Variants in RGS7 observed in about 807,000 individuals in gnomAD.
RGS7 encodes the protein regulator of G-protein signaling 7.
In RGS7, 27 loss-of-function variants were observed where a neutral mutation model predicts 81.1. The observed-to-expected ratio is 0.33, with a 90% confidence interval of 0.25 to 0.46. The LOEUF is 0.46. Ranked by LOEUF, RGS7 falls within the 20% of genes least tolerant of loss-of-function variation. The pLI is 1.00. For synonymous variants in RGS7, 208 were observed against 207.7 expected, an observed-to-expected ratio of 1.00 and a Z score of -0.01; for missense variants, 396 against 607.4, an observed-to-expected ratio of 0.65 and a Z score of 3.66.
At chr1:240,811,168 G>A (rs1689785437) in intron 14 of RGS7, among the ~76,000 whole-genome samples, 3 of 152,128 alleles carry the variant, frequency 2.0e-5, no homozygotes. Context: ...TAAAAATTGG[G>A]CATCAGCTTT....
At chr1:240,837,224 C>T (rs1294873174) in intron 9 of RGS7, among the ~76,000 whole-genome samples, 1 of 152,202 alleles carries the variant, frequency 6.6e-6, no homozygotes, top group Non-Finnish European at 1.5e-5. Context: ...CAGGAAGAAA[C>T]AAAAGGCCTG....
At chr1:241,108,804 G>GT (rs1369439366) in intron 2 of RGS7, among the ~76,000 whole-genome samples, 2 of 152,126 alleles carry the variant, frequency 1.3e-5, no homozygotes, top group African/African-American at 4.8e-5. Flanking sequence ...ATGGGAATGA[G>GT]TAAGACTCCT....
intron 2 of RGS7, among the ~76,000 whole-genome samples, chr1:241,319,064 C>A (rs192742865): frequency 2.3e-3 from 343 of 152,284 alleles, no homozygotes; most frequent in African/African-American, 8.1e-3. Flanking sequence ...AAATGAACAA[C>A]CTAAGCTCAA....
chr1:240,835,412 T>C (rs1291352306), intron 9 of RGS7, among the ~76,000 whole-genome samples: 4 of 152,188 alleles, frequency 2.6e-5, no homozygotes, highest in Non-Finnish European at 5.9e-5. Flanking sequence ...CCTATTAGAA[T>C]TGCCAAAATC....
At position 241,188,983 on chromosome 1, in the gene RGS7, A is replaced by AT. The variant is rs1265430183; in HGVS notation, c.79-90222dup. ...CAACATTTGGTGTTGTCACTTTTGA[A>AT]TTTTTTTTTGAGACAGGGTCTCACT... On this transcript the variant is annotated intron_variant, in intron 2 of 18. Transcript: ENST00000440928. Among the ~76,000 whole-genome samples, 11 of 151,286 alleles carry AT rather than the reference A, an allele frequency of 7.3e-5. No individual in the cohort carries two copies. The East Asian group carries it at 1.7e-3, about 24-fold the overall frequency.
chr1:240,848,756 A>G (rs1011558305), intron 9 of RGS7, among the ~76,000 whole-genome samples: 1 of 152,162 alleles, frequency 6.6e-6, no homozygotes, highest in Non-Finnish European at 1.5e-5. Flanking sequence ...TCAGCTTCAG[A>G]AAAAAACTCA....
chr1:241,012,888 C>T (rs1048464413), intron 3 of RGS7, among the ~76,000 whole-genome samples: 3 of 152,078 alleles, frequency 2.0e-5, no homozygotes, highest in Admixed American at 6.6e-5. Context: ...AATGGCTGGG[C>T]TGCTACCCGT....
chr1:240,823,136 C>T (rs1692106044), intron 10 of RGS7: 1 of 1,161,582 alleles, frequency 8.6e-7, no homozygotes, highest in Non-Finnish European at 1.3e-6. Flanking sequence ...AGGTAGCCAA[C>T]AATGGCCACA....
chr1:241,228,560 A>C (rs892199262), intron 2 of RGS7, among the ~76,000 whole-genome samples: 2 of 152,252 alleles, frequency 1.3e-5, no homozygotes, highest in South Asian at 4.1e-4. Context: ...CATAAGTAGA[A>C]TCTTATAAAT....
intron 2 of RGS7, among the ~76,000 whole-genome samples, chr1:241,222,286 G>T (rs2148003810): frequency 6.6e-6 from 1 of 152,190 alleles, no homozygotes; most frequent in East Asian, 1.9e-4. Context: ...ACTCAGCTGT[G>T]CATAAAAAAA....
chr1:241,125,349 G>C (rs2066577822), intron 2 of RGS7, among the ~76,000 whole-genome samples: 2 of 151,990 alleles, frequency 1.3e-5, no homozygotes, highest in Admixed American at 1.3e-4. Context: ...ATATCTCACT[G>C]CACAGTATTC....
At chr1:240,944,346 G>T (rs1248874778) in intron 4 of RGS7, among the ~76,000 whole-genome samples, 2 of 122,646 alleles carry the variant, frequency 1.6e-5, no homozygotes, top group African/African-American at 3.1e-5. Context: ...TAGGTGCATA[G>T]AATAGTATTC....
chr1:240,852,530 T>G (rs539853871), intron 9 of RGS7, among the ~76,000 whole-genome samples: 9 of 152,160 alleles, frequency 5.9e-5, no homozygotes, highest in Non-Finnish European at 1.3e-4. Flanking sequence ...TTGTGATTAT[T>G]ATATGGTAAT....
intron 6 of RGS7, among the ~76,000 whole-genome samples, chr1:240,899,559 C>G (rs557110521): frequency 4.2e-4 from 64 of 152,292 alleles, no homozygotes; most frequent in African/African-American, 1.5e-3. Flanking sequence ...AGTTTGGCTG[C>G]ATATGAAATT....
chr1:241,303,138 C>T (rs867093227), intron 2 of RGS7, among the ~76,000 whole-genome samples: 2 of 145,454 alleles, frequency 1.4e-5, no homozygotes, highest in African/African-American at 4.9e-5. Context: ...GGATTTGCGT[C>T]CCTGCCCAAA....
chr1:240,791,566 G>A lies in RGS7; in HGVS notation c.*6+9075C>T, dbSNP rs568527720. Among the ~76,000 whole-genome samples the A allele has an allele frequency of 9.8e-5, 15 of 152,288 alleles. No individual in the cohort carries two copies. The South Asian group carries it at 3.1e-3, about 32-fold the overall frequency. On this transcript the variant is annotated intron_variant, in intron 18 of 18. Coordinates refer to ENST00000440928, the MANE Select transcript of RGS7 (RefSeq NM_001364886.1). ...AAATTACAACCACAGCTTGTCATCA[G>A]TATAAAAATGGCTTTCTTTTCTGAA...
At chr1:240,842,433 C>T (rs186815222) in intron 9 of RGS7, among the ~76,000 whole-genome samples, 9 of 151,868 alleles carry the variant, frequency 5.9e-5, no homozygotes, top group African/African-American at 2.2e-4. Context: ...CTCAGGTGAT[C>T]CACCTGCCTT....
chr1:241,206,853 G>A (rs967376524), intron 2 of RGS7, among the ~76,000 whole-genome samples: 2 of 151,468 alleles, frequency 1.3e-5, no homozygotes, highest in African/African-American at 4.9e-5. Context: ...CACATTACAT[G>A]GCTCACCTTT....
chr1:241,149,757 G>A (rs893400338), intron 2 of RGS7, among the ~76,000 whole-genome samples: 2 of 152,116 alleles, frequency 1.3e-5, no homozygotes, highest in Non-Finnish European at 2.9e-5. Context: ...CAGTGGAGAG[G>A]AGGGAGTGGT....
Sources: allele counts gnomAD v4.1 joint callset (sites outside exome capture counted in the v4.1 genomes callset), GRCh38; gene constraint gnomAD v4.1.1; transcripts MANE v1.5; gene names NCBI Gene and HGNC (gene_info 2026-07-23, HGNC 2026-07-21).